RARB: variants seen among roughly 807,000 people sequenced by gnomAD.
RARB encodes retinoic acid receptor beta.
Under a neutral mutation model 51.9 loss-of-function variants are expected in RARB, and 17 were observed. The observed-to-expected ratio is 0.33, with a 90% CI of 0.22 to 0.49. The LOEUF (loss-of-function observed/expected upper bound fraction) is 0.49, where lower values mean the gene tolerates loss of function less well. Ranked by LOEUF, RARB falls within the 20% of genes least tolerant of loss-of-function variation. The pLI is 0.99. For synonymous variants in RARB, 215 were observed against 195.4 expected, an observed-to-expected ratio of 1.10 and a Z score of -0.84; for missense variants, 369 against 550.8, an observed-to-expected ratio of 0.67 and a Z score of 3.30.
At chr3:25,047,417 A>T (rs1413535736) in intron 2 of RARB, among the ~76,000 whole-genome samples, 1 of 152,168 alleles carries the variant, frequency 6.6e-6, no homozygotes, top group African/African-American at 2.4e-5. Flanking sequence ...AAGCTGGGGG[A>T]TTCATTAAAA....
rs560679582 is a variant in RARB at position 25,202,181 on chromosome 3, G to C, written c.178+27606G>C. On this transcript the variant is annotated intron_variant, in intron 5 of 11. Coordinates refer to the RARB transcript ENST00000383772. ...GTCTTGGGAGGGTGTATGTGTCAAG[G>C]AATTTATCCATTTCTTCTAGATTTT... Among the ~76,000 whole-genome samples the C allele has an allele frequency of 4.5e-3, 689 of 152,202 alleles. 8 individuals are homozygous for C. The highest frequency in any genetic ancestry group is 0.016 in the African/African-American group (646 of 41,518).
intron 5 of RARB, among the ~76,000 whole-genome samples, chr3:25,215,226 G>A (rs959998707): frequency 6.6e-6 from 1 of 152,196 alleles, no homozygotes; most frequent in East Asian, 1.9e-4. Context: ...GTGGTTCTCT[G>A]TAGCCAGGGT....
intron 2 of RARB, among the ~76,000 whole-genome samples, chr3:25,013,469 A>G (rs1467465115): frequency 6.6e-6 from 1 of 152,044 alleles, no homozygotes; most frequent in East Asian, 1.9e-4. Flanking sequence ...TCATCTTCTA[A>G]CTTTGTGATT....
At chr3:24,963,588 C>T (rs1559413664) in intron 2 of RARB, among the ~76,000 whole-genome samples, 2 of 151,634 alleles carry the variant, frequency 1.3e-5, no homozygotes, top group Admixed American at 1.3e-4. Context: ...TTCTCCAAAT[C>T]CTGAAAAACC....
intron 3 of RARB, among the ~76,000 whole-genome samples, chr3:25,557,063 C>T (rs143865950): frequency 6.6e-6 from 1 of 151,950 alleles, no homozygotes; most frequent in African/African-American, 2.4e-5. Flanking sequence ...CAATGACGTG[C>T]TGTTTGGGTG....
intron 5 of RARB, among the ~76,000 whole-genome samples, chr3:25,189,488 CAA>C (rs779729473): frequency 5.9e-5 from 9 of 152,092 alleles, no homozygotes; most frequent in Non-Finnish European, 8.8e-5. Flanking sequence ...AGGAAAAGGC[CAA>C]AATGTTCCCT....
In RARB at chr3:25,227,865, T is replaced by C. The variant is rs76626217; in HGVS notation, c.178+53290T>C. ...ATCCCAGCCAGGTTTTACTAAGTAT[T>C]CACTTGCTTTAGAATGACTTTTTTG... On this transcript the variant is annotated intron_variant, in intron 5 of 11. Coordinates refer to the RARB transcript ENST00000383772. Among the ~76,000 whole-genome samples, 1,493 of 152,234 alleles carry C rather than the reference T, an allele frequency of 9.8e-3. 18 individuals are homozygous for C. The highest frequency in any genetic ancestry group is 0.032 in the African/African-American group (1,333 of 41,562).
At chr3:25,052,802 C>T (rs973828762) in intron 2 of RARB, among the ~76,000 whole-genome samples, 1 of 151,520 alleles carries the variant, frequency 6.6e-6, no homozygotes, top group South Asian at 2.1e-4. Flanking sequence ...TCTAGAAATA[C>T]GTATGTGACT....
chr3:25,314,763 C>T (rs1292982942), intron 5 of RARB, among the ~76,000 whole-genome samples: 2 of 152,116 alleles, frequency 1.3e-5, no homozygotes, highest in African/African-American at 2.4e-5. Context: ...TATTGTGTGA[C>T]ACTGAGGTTT....
In RARB at chr3:25,564,315, C is replaced by T. The variant is rs745878858; in HGVS notation, c.449-5443C>T. Among the ~76,000 whole-genome samples, 10 of 152,150 alleles carry T rather than the reference C, an allele frequency of 6.6e-5. 1 individual carries two copies. Among genetic ancestry groups the T allele is most frequent in the Non-Finnish European group, 7.3e-5 (5 of 68,044 alleles). ...ACCAAATCTGATTTGTAGCACTTAGCCCCTCACAAGGAGAATACTTGATAT... is the reference window on the plus strand; with the variant it reads ...ACCAAATCTGATTTGTAGCACTTAGTCCCTCACAAGGAGAATACTTGATAT... On this transcript the variant is annotated intron_variant, in intron 3 of 7. Coordinates refer to ENST00000330688, the MANE Select transcript of RARB (RefSeq NM_000965.5).
intron 5 of RARB, among the ~76,000 whole-genome samples, chr3:25,210,115 G>C (rs890301950): frequency 2.6e-5 from 4 of 152,114 alleles, no homozygotes; most frequent in Non-Finnish European, 2.9e-5. Flanking sequence ...TTGCTTCTCA[G>C]ATTATCAATT....
chr3:25,147,216 T>C (rs1277766583), intron 4 of RARB, among the ~76,000 whole-genome samples: 4 of 152,168 alleles, frequency 2.6e-5, no homozygotes, highest in Non-Finnish European at 4.4e-5. Flanking sequence ...ACAAGCACTC[T>C]AGGTGATTAT....
intron 5 of RARB, among the ~76,000 whole-genome samples, chr3:25,316,787 C>A (rs2125436928): frequency 6.6e-6 from 1 of 152,224 alleles, no homozygotes; most frequent in South Asian, 2.1e-4. Flanking sequence ...AAATTTTTGT[C>A]CTTTTCTGCA....
intron 2 of RARB, among the ~76,000 whole-genome samples, chr3:25,049,163 G>A (rs781768168): frequency 2.6e-5 from 4 of 152,198 alleles, no homozygotes; most frequent in African/African-American, 9.6e-5. Context: ...AGGCTAGGTC[G>A]AAGTATCTCA....
intron 5 of RARB, among the ~76,000 whole-genome samples, chr3:25,237,560 C>G (rs1207991011): frequency 1.3e-5 from 2 of 152,060 alleles, no homozygotes; most frequent in Non-Finnish European, 1.5e-5. Context: ...ATTAGAAACT[C>G]TTTCTGAAAA....
At chr3:25,455,117 C>T (rs1371857469) in intron 1 of RARB, among the ~76,000 whole-genome samples, 1 of 152,152 alleles carries the variant, frequency 6.6e-6, no homozygotes, top group African/African-American at 2.4e-5. Context: ...AATCCGGAGA[C>T]CTGTGCCCGT....
chr3:24,965,319 C>A (rs1696232453), intron 2 of RARB, among the ~76,000 whole-genome samples: 5 of 152,012 alleles, frequency 3.3e-5, no homozygotes, highest in Admixed American at 2.6e-4. Context: ...CACAGCAGAA[C>A]AAAAATGTCA....
intron 2 of RARB, among the ~76,000 whole-genome samples, chr3:25,494,249 T>TCACACACACACGCACGCGCGCGCAC: frequency 4.7e-5 from 2 of 42,212 alleles, no homozygotes; most frequent in Admixed American, 2.5e-4. Flanking sequence ...CAGCTGTATC[T>TCACACACACACGCACGCGCGCGCAC]TACGCACACA....
chr3:24,962,817 T>A (rs1233219278), intron 2 of RARB, among the ~76,000 whole-genome samples: 4 of 152,228 alleles, frequency 2.6e-5, no homozygotes, highest in African/African-American at 7.2e-5. Flanking sequence ...AGTACTATCA[T>A]GTGTCACACA....
Sources: gnomAD v4.1 joint callset for allele counts (sites outside exome capture counted in the v4.1 genomes callset) on GRCh38, gnomAD v4.1.1 for gene constraint, MANE v1.5 for transcripts, NCBI Gene and HGNC (gene_info 2026-07-23, HGNC 2026-07-21) for gene names.